RPTOR: variants seen among roughly 807,000 people sequenced by gnomAD.
RPTOR encodes regulatory associated protein of MTOR complex 1.
Under a neutral mutation model 169.9 loss-of-function variants are expected in RPTOR, and 21 were observed. That is an observed-to-expected ratio of 0.12 (90% CI 0.09 to 0.18). The LOEUF is 0.18. Ranked by LOEUF, RPTOR falls within the 10% of genes least tolerant of loss-of-function variation. The pLI, the probability that RPTOR is intolerant of heterozygous loss-of-function variation, is 1.00. For missense variants in RPTOR, 1,133 were observed against 1,855.9 expected (o/e 0.61, Z 7.16); for synonymous variants, 732 against 753.2 (o/e 0.97, Z 0.46).
intron 7 of RPTOR, among the ~76,000 whole-genome samples, chr17:80,818,061 G>C (rs2067342062): frequency 6.6e-6 from 1 of 152,252 alleles, no homozygotes; most frequent in Admixed American, 6.5e-5. Flanking sequence ...GAGAGTTTGA[G>C]GAGGCGCGGG....
intron 3 of RPTOR, among the ~76,000 whole-genome samples, chr17:80,678,650 T>C (rs1567853012): frequency 6.6e-6 from 1 of 152,250 alleles, no homozygotes; most frequent in Non-Finnish European, 1.5e-5. Flanking sequence ...GAGCAACGCC[T>C]GACTCAGAAT....
At chr17:80,787,698 A>G (rs2143480847) in intron 6 of RPTOR, among the ~76,000 whole-genome samples, 1 of 151,770 alleles carries the variant, frequency 6.6e-6, no homozygotes, top group East Asian at 1.9e-4. Context: ...ATTCTTGTAC[A>G]TTTTTGCTGA....
rs900155152 is a variant in RPTOR, at chr17:80,945,716, C to T, written c.3075C>T (p.Val1025=). The T allele has an allele frequency of 4.3e-6, 7 of 1,611,966 alleles. 1 individual carries two copies. Among genetic ancestry groups the T allele is most frequent in the Middle Eastern group, 3.3e-4 (2 of 6,074 alleles). The change falls in exon 26 of 34, where the codon GTC becomes GTT. Residue 1025 remains valine, a synonymous_variant. Coordinates refer to ENST00000306801, the MANE Select transcript of RPTOR (RefSeq NM_020761.3). ...TATTTCTGAACAGGAACCCCGGCGT[C>T]CCCTCTGTGGTGAAATTCCACCCCT... ...DQIFLNRNPG[V]PSVVKFHPFT... is the part of the protein sequence containing the mutation.
At chr17:80,681,340 A>G (rs1410106981) in intron 3 of RPTOR, among the ~76,000 whole-genome samples, 2 of 152,210 alleles carry the variant, frequency 1.3e-5, no homozygotes, top group Admixed American at 6.5e-5. Flanking sequence ...TCTGGGCCTC[A>G]TGGCAGAAAG....
At chr17:80,734,144 CTG>C (rs2066415482) in intron 5 of RPTOR, among the ~76,000 whole-genome samples, 1 of 152,176 alleles carries the variant, frequency 6.6e-6, no homozygotes, top group Non-Finnish European at 1.5e-5. Context: ...ATTTTTATAA[CTG>C]TTTTCGTTTG....
intron 25 of RPTOR, 136 bp downstream of exon 25, chr17:80,940,737 CG>C: frequency 1.6e-6 from 1 of 643,148 alleles, no homozygotes. Flanking sequence ...AGACCCGCCC[CG>C]CACCCCACCT....
intron 7 of RPTOR, among the ~76,000 whole-genome samples, chr17:80,808,820 T>C (rs1188981993): frequency 1.3e-5 from 2 of 152,184 alleles, no homozygotes; most frequent in African/African-American, 4.8e-5. Context: ...AATCATGCCT[T>C]TGAGATGTCT....
intron 21 of RPTOR, among the ~76,000 whole-genome samples, chr17:80,913,786 T>A (rs1050277727): frequency 6.6e-6 from 1 of 152,052 alleles, no homozygotes; most frequent in Non-Finnish European, 1.5e-5. Flanking sequence ...AATTTCAGAC[T>A]ATGTAGAAGT....
intron 20 of RPTOR, among the ~76,000 whole-genome samples, chr17:80,897,792 C>G (rs1430604434): frequency 6.6e-6 from 1 of 152,188 alleles, no homozygotes; most frequent in Non-Finnish European, 1.5e-5. Context: ...ACTTGGGAGG[C>G]TGAGGCAGGA....
chr17:80,614,246 A>G lies in RPTOR; in HGVS notation c.163-11445A>G, dbSNP rs1197317204. On this transcript the variant is annotated intron_variant, in intron 1 of 33. Transcript: ENST00000306801. ...GCTCAGGCCAGCCTGTGGGGACAGC[A>G]AAGTGGCCTCCCCGAGAAGGGGGCC... Among the ~76,000 whole-genome samples, 4 of 152,172 alleles carry G rather than the reference A, an allele frequency of 2.6e-5. No homozygotes were observed. In the East Asian group the frequency reaches 7.7e-4, roughly 29 times the overall value.
intron 13 of RPTOR, among the ~76,000 whole-genome samples, chr17:80,871,945 A>G (rs971007246): frequency 1.9e-4 from 29 of 152,052 alleles, no homozygotes; most frequent in Admixed American, 6.5e-5. Flanking sequence ...AGGAGTAGTC[A>G]GGAACGCGCC....
intron 25 of RPTOR, 122 bp from the exon 26 acceptor site, chr17:80,945,545 T>TTA: frequency 3.7e-6 from 2 of 545,418 alleles, no homozygotes; most frequent in Non-Finnish European, 3.2e-6. Context: ...TGAGCCAAGA[T>TTA]TGCACCACTG....
At chr17:80,594,250 T>C (rs1042675293) in intron 1 of RPTOR, among the ~76,000 whole-genome samples, 101 of 152,188 alleles carry the variant, frequency 6.6e-4, no homozygotes, top group African/African-American at 2.3e-3. Flanking sequence ...CGTGCCACCA[T>C]GCCCGGCTAA....
At chr17:80,901,992 T>A (rs1334235523) in intron 20 of RPTOR, among the ~76,000 whole-genome samples, 1 of 152,146 alleles carries the variant, frequency 6.6e-6, no homozygotes, top group African/African-American at 2.4e-5. Flanking sequence ...AGGATAAATG[T>A]TTGTGAAACT....
intron 6 of RPTOR, among the ~76,000 whole-genome samples, chr17:80,769,602 G>A (rs779890747): frequency 5.9e-5 from 9 of 152,198 alleles, no homozygotes; most frequent in Non-Finnish European, 1.2e-4. Flanking sequence ...TGCTCTTCTT[G>A]GAGACAGAGG....
At chr17:80,626,635 C>T (rs1382412624) in intron 2 of RPTOR, among the ~76,000 whole-genome samples, 1 of 151,288 alleles carries the variant, frequency 6.6e-6, no homozygotes, top group African/African-American at 2.4e-5. Context: ...AGCTGAGGAA[C>T]ATGAGACATA....
chr17:80,573,464 G>A (rs2064929098), intron 1 of RPTOR, among the ~76,000 whole-genome samples: 1 of 152,100 alleles, frequency 6.6e-6, no homozygotes, highest in Non-Finnish European at 1.5e-5. Context: ...TTTCCCTGTA[G>A]AGGTGTTGCC....
At chr17:80,545,938 C>A in intron 1 of RPTOR, 147 bp downstream of exon 1, 1 of 648,586 alleles carries the variant, frequency 1.5e-6, no homozygotes, top group Non-Finnish European at 2.5e-6. Context: ...CCATTTCAGA[C>A]TGCAGTTTTT....
intron 25 of RPTOR, among the ~76,000 whole-genome samples, chr17:80,940,853 C>T (rs140966015): frequency 6.6e-6 from 1 of 152,310 alleles, no homozygotes; most frequent in Non-Finnish European, 1.5e-5. Context: ...AACCCAGCCA[C>T]CGCCTGGGAA....
Sources: gnomAD v4.1 joint callset for allele counts (sites outside exome capture counted in the v4.1 genomes callset) on GRCh38, gnomAD v4.1.1 for gene constraint, MANE v1.5 for transcripts, NCBI Gene and HGNC (gene_info 2026-07-23, HGNC 2026-07-21) for gene names.